The following BRINP3 variants were observed in gnomAD, a reference collection of about 807,000 sequenced individuals.
BRINP3 encodes the protein BMP/retinoic acid inducible neural specific 3, also known as BMP/retinoic acid-inducible neural-specific protein 3.
In BRINP3, 19 loss-of-function variants were observed where a neutral mutation model predicts 71.0. The ratio of observed to expected loss-of-function variants is 0.27; its 90% CI spans 0.19 to 0.39. The LOEUF is 0.39. Ranked by LOEUF, BRINP3 falls within the 10% of genes least tolerant of loss-of-function variation. The pLI is 1.00. For missense variants in BRINP3, 959 were observed against 940.8 expected (o/e 1.02, Z -0.25); for synonymous variants, 380 against 337.7 (o/e 1.13, Z -1.37).
At chr1:190,279,988 G>A (rs1323251415) in intron 3 of BRINP3, among the ~76,000 whole-genome samples, 1 of 151,846 alleles carries the variant, frequency 6.6e-6, no homozygotes, top group Admixed American at 6.6e-5. Context: ...GGCAATTATA[G>A]CCATGGGGAT....
intron 4 of BRINP3, among the ~76,000 whole-genome samples, chr1:190,258,633 A>G (rs902425641): frequency 2.0e-5 from 3 of 152,206 alleles, no homozygotes; most frequent in Non-Finnish European, 4.4e-5. Flanking sequence ...AATATTAAAG[A>G]AATACTATGA....
chr1:190,154,141 ATTC>A (rs1162694009), intron 7 of BRINP3: 2 of 822,116 alleles, frequency 2.4e-6, no homozygotes, highest in African/African-American at 3.7e-5. Flanking sequence ...GATGACACAT[ATTC>A]TTCTTCCCTT....
At chr1:190,145,946 T>A (rs1385077678) in intron 7 of BRINP3, among the ~76,000 whole-genome samples, 1 of 152,144 alleles carries the variant, frequency 6.6e-6, no homozygotes, top group Non-Finnish European at 1.5e-5. Flanking sequence ...GTGAAGTTGC[T>A]CAGGAATGGA....
At chr1:190,300,224 T>C (rs530301112) in intron 2 of BRINP3, among the ~76,000 whole-genome samples, 63 of 152,248 alleles carry the variant, frequency 4.1e-4, no homozygotes, top group Admixed American at 5.2e-4. Context: ...CATAGTCCCA[T>C]ATTTCTTGGA....
chr1:190,460,922 T>A (rs761618636), intron 1 of BRINP3, among the ~76,000 whole-genome samples: 31 of 152,160 alleles, frequency 2.0e-4, no homozygotes, highest in Admixed American at 4.6e-4. Flanking sequence ...TTTTACTTGA[T>A]CAGCTCATAG....
chr1:190,476,271 A>G (rs1481444705), intron 1 of BRINP3, among the ~76,000 whole-genome samples: 3 of 151,846 alleles, frequency 2.0e-5, no homozygotes, highest in African/African-American at 7.3e-5. Context: ...AAAAAGGAAA[A>G]GAAAAGCGTG....
At chr1:190,350,373 T>A (rs1379880744) in intron 2 of BRINP3, among the ~76,000 whole-genome samples, 1 of 152,118 alleles carries the variant, frequency 6.6e-6, no homozygotes, top group East Asian at 1.9e-4. Flanking sequence ...TACAAACTAC[T>A]GGCAATGCTC....
intron 6 of BRINP3, among the ~76,000 whole-genome samples, chr1:190,222,004 T>C (rs914991396): frequency 2.9e-4 from 44 of 151,906 alleles, no homozygotes; most frequent in African/African-American, 9.2e-4. Context: ...GTAATGAACA[T>C]ATCATCCAGA....
intron 2 of BRINP3, among the ~76,000 whole-genome samples, chr1:190,301,494 C>G (rs1351563194): frequency 1.3e-5 from 2 of 151,246 alleles, no homozygotes; most frequent in East Asian, 3.9e-4. Flanking sequence ...TCCATTCTTT[C>G]TTAATTCCTG....
chr1:190,416,211 A>G (rs1041998420), intron 2 of BRINP3, among the ~76,000 whole-genome samples: 11 of 152,104 alleles, frequency 7.2e-5, no homozygotes, highest in African/African-American at 2.7e-4. Flanking sequence ...TCTCCTCCAC[A>G]CCCATATTAG....
rs543588843 is a variant in BRINP3, at chr1:190,392,534, G to T, written c.236+62121C>A. Among the ~76,000 whole-genome samples the T allele has an allele frequency of 2.5e-4, 38 of 151,648 alleles. No individual in the cohort carries two copies. In the East Asian group the frequency reaches 5.6e-3, roughly 22 times the overall value. On this transcript the variant is annotated intron_variant, in intron 2 of 7. Coordinates refer to ENST00000367462, the MANE Select transcript of BRINP3 (RefSeq NM_199051.3). ...ATATGATACATTGTACTGCAGTTTC[G>T]ATAGGGTGGAACATGTTTAAAGGGA...
chr1:190,100,765 A>C (rs2102241559), intron 7 of BRINP3, among the ~76,000 whole-genome samples: 1 of 152,304 alleles, frequency 6.6e-6, no homozygotes, highest in South Asian at 2.1e-4. Context: ...CCAACCATAA[A>C]ACATTTTCCT....
chr1:190,225,555 C>T (rs112849273), intron 6 of BRINP3, among the ~76,000 whole-genome samples: 2 of 151,668 alleles, frequency 1.3e-5, no homozygotes, highest in Non-Finnish European at 2.9e-5. Flanking sequence ...GCTTAAAAAT[C>T]GCAAAGATAG....
At chr1:190,287,069 A>G (rs1392033070) in intron 2 of BRINP3, among the ~76,000 whole-genome samples, 1 of 109,806 alleles carries the variant, frequency 9.1e-6, no homozygotes, top group African/African-American at 4.1e-5. Context: ...AAAAAAAAAG[A>G]AAAAAAAAAT....
intron 2 of BRINP3, among the ~76,000 whole-genome samples, chr1:190,339,371 T>C (rs2103105754): frequency 6.6e-6 from 1 of 152,074 alleles, no homozygotes; most frequent in South Asian, 2.1e-4. Flanking sequence ...CCTGATAACA[T>C]TGAGAACTCT....
chr1:190,310,307 A>G, intron 2 of BRINP3, among the ~76,000 whole-genome samples: 1 of 151,672 alleles, frequency 6.6e-6, no homozygotes, highest in East Asian at 1.9e-4. Flanking sequence ...GCTCATATTC[A>G]TGTTTACTGA....
rs1655434599 is a variant in BRINP3, at chr1:190,205,697, T to C, written c.961+20385A>G. ...TTCCAAATATGTTTAGGGCCAGGCC[T>C]ACACTCAGAAGAAGGTACAAGAAAA... On this transcript the variant is annotated intron_variant, in intron 6 of 7. Transcript: ENST00000367462. Among the ~76,000 whole-genome samples, 3 of 152,014 alleles carry C rather than the reference T, an allele frequency of 2.0e-5. No individual in the cohort carries two copies. In the South Asian group the frequency reaches 6.2e-4, roughly 32 times the overall value.
Position 190,457,689 on chromosome 1 carries a change from A to G in BRINP3, c.-50-2749T>C, listed in dbSNP as rs369748717. 4.6e-5 allele frequency among the ~76,000 whole-genome samples: 7 copies of G among 152,194 alleles called. No individual in the cohort carries two copies. In the East Asian group the frequency reaches 5.8e-4, roughly 13 times the overall value. Reference sequence around the variant, plus strand: ...TAAGTTATATTTTATACTGGTATGAAGCCATGCCATTATACACCTTAAAAT... The same window carrying G: ...TAAGTTATATTTTATACTGGTATGAGGCCATGCCATTATACACCTTAAAAT... On this transcript the variant is annotated intron_variant, in intron 1 of 7. Coordinates refer to ENST00000367462, the MANE Select transcript of BRINP3 (RefSeq NM_199051.3).
chr1:190,472,812 T>TACAC (rs67049979), intron 1 of BRINP3, among the ~76,000 whole-genome samples: 2,368 of 147,534 alleles, frequency 0.016, 35 homozygotes, highest in African/African-American at 0.042. Context: ...TGGTAGAAAT[T>TACAC]ACACACACAC....
Sources: gnomAD v4.1 joint callset for allele counts (sites outside exome capture counted in the v4.1 genomes callset) on GRCh38, gnomAD v4.1.1 for gene constraint, MANE v1.5 for transcripts, NCBI Gene and HGNC (gene_info 2026-07-23, HGNC 2026-07-21) for gene names.